The following DHDDS variants were observed in gnomAD, a reference collection of about 807,000 sequenced individuals.
DHDDS encodes dehydrodolichyl diphosphate synthase subunit.
In DHDDS, 16 loss-of-function variants were observed where a neutral mutation model predicts 46.2. That is an observed-to-expected ratio of 0.35 (90% confidence interval 0.23 to 0.53). DHDDS has a LOEUF of 0.53. Among genes scored for constraint, DHDDS ranks in the 20% least tolerant of loss-of-function variants. The pLI, the probability that DHDDS is intolerant of heterozygous loss-of-function variation, is 0.94. For synonymous variants in DHDDS, 151 were observed against 163.1 expected, an observed-to-expected ratio of 0.93 and a Z score of 0.56; for missense variants, 340 against 423.7, an observed-to-expected ratio of 0.80 and a Z score of 1.73.
chr1:26,443,568 A>C (rs2075239300), intron 4 of DHDDS, among the ~76,000 whole-genome samples: 1 of 152,200 alleles, frequency 6.6e-6, no homozygotes, highest in Non-Finnish European at 1.5e-5. Flanking sequence ...CTTACCAGCC[A>C]GAATTGCCCG....
At chr1:26,447,829 C>A in intron 6 of DHDDS, 169 bp downstream of exon 6, 1 of 679,140 alleles carries the variant, frequency 1.5e-6, no homozygotes. Context: ...TCCCTCTTTT[C>A]AACAACAACA....
chr1:26,441,852 C>T (rs1171759029), intron 3 of DHDDS, among the ~76,000 whole-genome samples: 1 of 150,064 alleles, frequency 6.7e-6, no homozygotes, highest in African/African-American at 2.5e-5. Flanking sequence ...GCCAAGATTG[C>T]ACCACTGCAC....
intron 6 of DHDDS, among the ~76,000 whole-genome samples, chr1:26,453,022 G>T (rs150577868): frequency 5.9e-5 from 9 of 152,094 alleles, no homozygotes; most frequent in Admixed American, 5.2e-4. Flanking sequence ...AGCCTAGCAG[G>T]TCGAGGCTGC....
In DHDDS at chr1:26,447,637, G is replaced by A. The variant is rs372941732; in HGVS notation, c.519G>A (p.Val173=). ...SNAVREMAWG[V]EQGLLDPSDI... Reference sequence around the variant, plus strand: ...CTGTGAGAGAGATGGCCTGGGGGGTGGAGCAAGGCCTGTTGGATCCCAGGT... The same window carrying A: ...CTGTGAGAGAGATGGCCTGGGGGGTAGAGCAAGGCCTGTTGGATCCCAGGT... The change falls in exon 6 of 9, where the codon GTG becomes GTA. Residue 173 remains valine (V), a synonymous_variant. Coordinates refer to ENST00000236342, the MANE Select transcript of DHDDS (RefSeq NM_205861.3). The A allele has an allele frequency of 4.3e-5, 69 of 1,614,006 alleles. No homozygotes were observed. The Middle Eastern group carries it at 9.9e-4, about 23-fold the overall frequency.
intron 8 of DHDDS, chr1:26,467,247 C>T (rs538797451): frequency 1.3e-5 from 6 of 450,962 alleles, no homozygotes; most frequent in South Asian, 4.7e-5. Context: ...TTGCTGGGAT[C>T]GTGTCCTGCG....
intron 2 of DHDDS, chr1:26,433,261 A>T (rs902112878): frequency 1.8e-6 from 1 of 551,046 alleles, no homozygotes; most frequent in African/African-American, 1.9e-5. Flanking sequence ...AGTATTCTTT[A>T]TAGAGAACTG....
At position 26,469,407 on chromosome 1, in the gene DHDDS, C is replaced by A; in HGVS notation, c.*276C>A. On this transcript the variant is annotated 3_prime_UTR_variant, in exon 9 of 9. Coordinates refer to ENST00000236342, the MANE Select transcript of DHDDS (RefSeq NM_205861.3). ...TGGAGAGCAAAGGGCCACAACTCAT[C>A]AGCTGCCTGTCTCTTAGATGCACTT... 1.8e-6 allele frequency: 1 copy of A among 554,270 alleles called. No homozygotes were observed. 34.3% of individuals were successfully genotyped at this position (554,270 alleles called of 1,614,324 possible). A position where few individuals can be genotyped will look rare whatever the true frequency, so the allele number is the denominator to read the frequency against.
chr1:26,442,882 C>T lies in DHDDS; in HGVS notation c.323+9C>T. The T allele has an allele frequency of 6.2e-7, 1 of 1,613,998 alleles. No individual in the cohort carries two copies. The highest frequency in any genetic ancestry group is 2.2e-5 in the East Asian group (1 of 44,884). On this transcript the variant is annotated intron_variant, in intron 4 of 8. Coordinates refer to ENST00000236342, the MANE Select transcript of DHDDS (RefSeq NM_205861.3). ...CGCTTGATGGAAGAAAAGTAAGATG[C>T]TATCAGAGGGGAGAGCATGTTCTTC...
At chr1:26,464,183 G>C (rs1478096165) in intron 8 of DHDDS, among the ~76,000 whole-genome samples, 1 of 151,778 alleles carries the variant, frequency 6.6e-6, no homozygotes, top group Non-Finnish European at 1.5e-5. Flanking sequence ...AGTAGAGACA[G>C]GGTTTCACCA....
At position 26,442,884 on chromosome 1, in the gene DHDDS, A is replaced by C. The variant is rs775421376; in HGVS notation, c.323+11A>C. On this transcript the variant is annotated intron_variant, in intron 4 of 8. Coordinates refer to ENST00000236342, the MANE Select transcript of DHDDS (RefSeq NM_205861.3). ...CTTGATGGAAGAAAAGTAAGATGCT[A>C]TCAGAGGGGAGAGCATGTTCTTCCA... 12 of 1,613,860 alleles carry C rather than the reference A, an allele frequency of 7.4e-6. No individual in the cohort carries two copies. In the East Asian group the frequency reaches 2.7e-4, roughly 36 times the overall value.
At chr1:26,448,107 CT>C (rs2075286657) in intron 6 of DHDDS, 1 of 246,096 alleles carries the variant, frequency 4.1e-6, no homozygotes, top group Non-Finnish European at 7.9e-6. Context: ...CCAAGAATGA[CT>C]TTTCATGAAT....
intron 6 of DHDDS, among the ~76,000 whole-genome samples, chr1:26,457,401 C>CA: frequency 6.6e-6 from 1 of 151,326 alleles, no homozygotes; most frequent in Admixed American, 6.6e-5. Context: ...ACCTGGGAGG[C>CA]AGAGTTTGCA....
chr1:26,432,848 G>A (rs951083796), intron 1 of DHDDS, 43 bp from the exon 2 acceptor site: 3 of 1,356,186 alleles, frequency 2.2e-6, no homozygotes, highest in Non-Finnish European at 2.1e-6. Context: ...ATAGCTCTTC[G>A]CAAACCTTGG....
intron 7 of DHDDS, 146 bp downstream of exon 7, chr1:26,458,051 T>C: frequency 1.4e-6 from 1 of 714,064 alleles, no homozygotes; most frequent in Non-Finnish European, 2.5e-6. Context: ...GAAGCATCTC[T>C]AGGCTGTGTC....
chr1:26,432,731 TGCG>T (rs1430395412), intron 1 of DHDDS, 157 bp from the exon 2 acceptor site: 1 of 591,004 alleles, frequency 1.7e-6, no homozygotes, highest in East Asian at 2.9e-5. Context: ...GAGGTCACAT[TGCG>T]TTATAAAACT....
chr1:26,447,495 T>C (rs2075280328), intron 5 of DHDDS, 64 bp from the exon 6 acceptor site: 1 of 1,315,908 alleles, frequency 7.6e-7, no homozygotes, highest in Admixed American at 1.7e-5. Context: ...TTCTCTGTAA[T>C]CAGTGACTTC....
chr1:26,451,474 G>C (rs948690097), intron 6 of DHDDS, among the ~76,000 whole-genome samples: 2 of 150,204 alleles, frequency 1.3e-5, no homozygotes, highest in Non-Finnish European at 3.0e-5. Context: ...TTGTTTTTCT[G>C]AGATGGAGTC....
intron 8 of DHDDS, 61 bp from the exon 9 acceptor site, chr1:26,468,832 ATC>A: frequency 1.3e-6 from 1 of 785,250 alleles, no homozygotes; most frequent in African/African-American, 3.5e-5. Flanking sequence ...TACCTCCTCC[ATC>A]CCAGTTTCAC....
intron 6 of DHDDS, among the ~76,000 whole-genome samples, chr1:26,449,159 C>T (rs1260060079): frequency 6.6e-6 from 1 of 150,616 alleles, no homozygotes; most frequent in African/African-American, 2.4e-5. Context: ...AGTGCAATGG[C>T]GAGATCTTGG....
Sources: allele counts gnomAD v4.1 joint callset (sites outside exome capture counted in the v4.1 genomes callset), GRCh38; gene constraint gnomAD v4.1.1; transcripts MANE v1.5; gene names NCBI Gene and HGNC (gene_info 2026-07-23, HGNC 2026-07-21).